The following TTC28 variants were observed in gnomAD, a reference collection of about 807,000 sequenced individuals.
TTC28 encodes tetratricopeptide repeat domain 28.
TTC28 carries 61 observed loss-of-function variants against 198.0 expected under a neutral mutation model. That is an observed-to-expected ratio of 0.31 (90% CI 0.25 to 0.38). The LOEUF (loss-of-function observed/expected upper bound fraction) is 0.38. Among genes scored for constraint, TTC28 ranks in the 10% least tolerant of loss-of-function variants. TTC28 has a pLI of 1.00. For missense variants in TTC28, 2,678 were observed against 3,164.0 expected (o/e 0.85, Z 3.69); for synonymous variants, 1,171 against 1,297.8 (o/e 0.90, Z 2.10).
In TTC28 at chr22:28,296,259, C is replaced by G. The variant is rs1172596803; in HGVS notation, c.872G>C (p.Arg291Pro). The G allele has an allele frequency of 6.4e-7, 1 of 1,550,744 alleles. No individual in the cohort carries two copies. Among genetic ancestry groups the G allele is most frequent in the Non-Finnish European group, 8.7e-7 (1 of 1,146,596 alleles). Residue 291 changes from arginine to proline, a missense_variant, in exon 5 of 23, where the codon CGG (arginine) becomes CCG (proline). Around this residue, in one of 8 missense-constraint regions of TTC28, gnomAD observed 775 missense variants for 845.9 expected, o/e 0.92. Coordinates refer to ENST00000397906, the MANE Select transcript of TTC28 (RefSeq NM_001145418.2). ...GSAFFSKGNY[R>P]EALTNHRHQL... ...ATGCCTGTGGTTAGTGAGAGCCTCC[C>G]GGTAATTTCCTTTGGAGAAGAATGC...
intron 5 of TTC28, among the ~76,000 whole-genome samples, chr22:28,218,802 C>T (rs1045397288): frequency 9.9e-5 from 15 of 152,048 alleles, no homozygotes; most frequent in Admixed American, 2.6e-4. Flanking sequence ...GCTCTCCCAC[C>T]CCACCCCACT....
intron 5 of TTC28, among the ~76,000 whole-genome samples, chr22:28,290,357 CTT>C (rs1479246987): frequency 3.9e-5 from 6 of 152,070 alleles, no homozygotes; most frequent in South Asian, 4.2e-4. Flanking sequence ...TTATATAAAA[CTT>C]ATATAAAATT....
At chr22:28,607,684 G>C (rs187173505) in intron 2 of TTC28, among the ~76,000 whole-genome samples, 11 of 151,984 alleles carry the variant, frequency 7.2e-5, no homozygotes, top group Admixed American at 7.2e-4. Context: ...CTGTAACTCT[G>C]GGCGAACTAC....
intron 6 of TTC28, among the ~76,000 whole-genome samples, chr22:28,136,119 A>G (rs754369195): frequency 6.6e-6 from 1 of 152,188 alleles, no homozygotes; most frequent in African/African-American, 2.4e-5. Context: ...CTAAGCAATG[A>G]CTAGTTGCTA....
chr22:28,285,651 C>T (rs1269935668), intron 5 of TTC28, among the ~76,000 whole-genome samples: 3 of 152,118 alleles, frequency 2.0e-5, no homozygotes, highest in Admixed American at 6.5e-5. Context: ...TGTATACATA[C>T]ATAAAACAAT....
At chr22:28,672,247 C>T (rs1282473444) in intron 1 of TTC28, among the ~76,000 whole-genome samples, 1 of 152,098 alleles carries the variant, frequency 6.6e-6, no homozygotes, top group Non-Finnish European at 1.5e-5. Context: ...CGGCTCACTG[C>T]AAGCTCCGCC....
At position 28,013,362 on chromosome 22, in the gene TTC28, C is replaced by T. The variant is rs75636648; in HGVS notation, c.4218+886G>A. On this transcript the variant is annotated intron_variant, in intron 14 of 22. Transcript: ENST00000397906. Reference sequence around the variant, plus strand: ...ACGCAAAGGCATCTGATGGGCTCACCGTTGGGATTTGCGAAGATCCTGAGC... The same window carrying T: ...ACGCAAAGGCATCTGATGGGCTCACTGTTGGGATTTGCGAAGATCCTGAGC... 1.8e-3 allele frequency among the ~76,000 whole-genome samples: 271 copies of T among 152,268 alleles called. 2 individuals are homozygous for T. Among genetic ancestry groups the T allele is most frequent in the African/African-American group, 6.2e-3 (259 of 41,552 alleles).
At chr22:28,570,805 C>A (rs1447332665) in intron 2 of TTC28, among the ~76,000 whole-genome samples, 1 of 151,984 alleles carries the variant, frequency 6.6e-6, no homozygotes, top group South Asian at 2.1e-4. Flanking sequence ...AAGTTCCAAA[C>A]AAAATGCTAA....
At chr22:28,028,202 G>A (rs985740863) in intron 13 of TTC28, among the ~76,000 whole-genome samples, 1 of 152,232 alleles carries the variant, frequency 6.6e-6, no homozygotes, top group African/African-American at 2.4e-5. Flanking sequence ...GGACTGGATT[G>A]GGTCAGGCCT....
At chr22:27,993,062 G>A (rs1937474565) in intron 18 of TTC28, 1 of 584,746 alleles carries the variant, frequency 1.7e-6, no homozygotes, top group Non-Finnish European at 3.0e-6. Flanking sequence ...CAGCGCCAGT[G>A]GGGCGCAGAT....
chr22:28,538,117 GCT>G lies in TTC28; in HGVS notation c.381+91433_381+91434del, dbSNP rs561343691. On this transcript the variant is annotated intron_variant, in intron 2 of 22. Coordinates refer to ENST00000397906, the MANE Select transcript of TTC28 (RefSeq NM_001145418.2). ...AGATTATTTTAAGAGAGAGTGCCTC[GCT>G]CTGTTGCCAGGCTAGAGTACAGTGG... 2.1e-4 allele frequency among the ~76,000 whole-genome samples: 32 copies of G among 152,126 alleles called. No individual in the cohort carries two copies. In the South Asian group the frequency reaches 6.7e-3, roughly 32 times the overall value.
rs866833029 is a variant in TTC28 at position 28,590,984 on chromosome 22, C to T, written c.381+38568G>A. Among the ~76,000 whole-genome samples the T allele has an allele frequency of 4.2e-4, 55 of 131,692 alleles. No individual in the cohort carries two copies. The South Asian group carries it at 5.3e-3, about 13-fold the overall frequency. The allele number at this position is 131,692 out of a possible 152,430, so 86.4% of individuals were successfully genotyped here. Reference sequence around the variant, plus strand: ...TTGCACCACTGCACTTCAGCCTGGGCGACAAGAGAGAAACTCTGCCTCAAA... The same window carrying T: ...TTGCACCACTGCACTTCAGCCTGGGTGACAAGAGAGAAACTCTGCCTCAAA... On this transcript the variant is annotated intron_variant, in intron 2 of 22. Transcript: ENST00000397906.
At chr22:28,490,463 G>C (rs548374476) in intron 2 of TTC28, among the ~76,000 whole-genome samples, 10 of 152,254 alleles carry the variant, frequency 6.6e-5, no homozygotes, top group African/African-American at 2.2e-4. Context: ...ACATTCCTTT[G>C]ATCAGAACAA....
At chr22:28,562,555 G>A (rs936939481) in intron 2 of TTC28, among the ~76,000 whole-genome samples, 1 of 152,066 alleles carries the variant, frequency 6.6e-6, no homozygotes, top group South Asian at 2.1e-4. Context: ...AAACAAGAAT[G>A]AGCATGTACC....
At chr22:28,420,078 T>C (rs866598029) in intron 2 of TTC28, among the ~76,000 whole-genome samples, 38 of 152,338 alleles carry the variant, frequency 2.5e-4, no homozygotes, top group African/African-American at 8.9e-4. Context: ...CTGCTACCAG[T>C]GTTTGTACAG....
In TTC28 at chr22:28,107,411, T is replaced by C. The variant is rs1159745799; in HGVS notation, c.2434A>G (p.Met812Val). 7 of 1,551,760 alleles carry C rather than the reference T, an allele frequency of 4.5e-6. No individual in the cohort carries two copies. The highest frequency in any genetic ancestry group is 4.9e-5 in the East Asian group (2 of 40,912). ...TGCTCTTCATAACACTTGAATGCCA[T>C]TGTGTATTTCCCAAGGGCCATGTAG... ...AVYMALGKYT[M>V]AFKCYEEQLD... is the part of the protein sequence containing the mutation. The change falls in exon 7 of 23, where the codon ATG becomes GTG. Residue 812 changes from methionine (M) to valine (V), a missense_variant. By Grantham distance (21) the Met-to-Val change is conservative. Around this residue, in one of 8 missense-constraint regions of TTC28, gnomAD observed 775 missense variants for 845.9 expected, o/e 0.92. Coordinates refer to ENST00000397906, the MANE Select transcript of TTC28 (RefSeq NM_001145418.2).
intron 6 of TTC28, among the ~76,000 whole-genome samples, chr22:28,113,896 A>C (rs1942559376): frequency 6.6e-6 from 1 of 152,236 alleles, no homozygotes; most frequent in East Asian, 1.9e-4. Flanking sequence ...TTCTTCTATA[A>C]TCTTTTTGGA....
chr22:28,170,506 A>G (rs1922564007), intron 5 of TTC28, among the ~76,000 whole-genome samples: 1 of 151,994 alleles, frequency 6.6e-6, no homozygotes, highest in Non-Finnish European at 1.5e-5. Context: ...AAAAAAAAGA[A>G]AAAAAGAAAA....
At chr22:28,545,499 A>G (rs976910488) in intron 2 of TTC28, among the ~76,000 whole-genome samples, 1 of 152,154 alleles carries the variant, frequency 6.6e-6, no homozygotes, top group African/African-American at 2.4e-5. Context: ...GGATCACTTG[A>G]GCCTAGGAGT....
Sources: gnomAD v4.1 joint callset for allele counts (sites outside exome capture counted in the v4.1 genomes callset) on GRCh38, gnomAD v4.1.1 for gene constraint, gnomAD v4.1.1 regional missense constraint, MANE v1.5 for transcripts, NCBI Gene and HGNC (gene_info 2026-07-23, HGNC 2026-07-21) for gene names.